RAF1: variants seen among roughly 807,000 people sequenced by gnomAD.
The protein encoded by RAF1 is RAF proto-oncogene serine/threonine-protein kinase.
A neutral mutation model predicts 81.1 loss-of-function variants in RAF1; 27 were observed. The observed-to-expected ratio is 0.33, with a 90% CI of 0.25 to 0.46. The LOEUF (loss-of-function observed/expected upper bound fraction) is 0.46. RAF1 is among the 20% of genes least tolerant of loss of function. RAF1 has a pLI of 1.00. For synonymous variants in RAF1, 298 were observed against 294.0 expected (o/e 1.01, Z -0.14); for missense variants, 598 against 826.0 (o/e 0.72, Z 3.38).
At chr3:12,640,005 T>A (rs549846940) in intron 1 of RAF1, among the ~76,000 whole-genome samples, 1 of 152,182 alleles carries the variant, frequency 6.6e-6, no homozygotes, top group South Asian at 2.1e-4. Flanking sequence ...AGCATGGTAC[T>A]GGTACCAAAA....
intron 1 of RAF1, among the ~76,000 whole-genome samples, chr3:12,638,970 G>T (rs997268196): frequency 2.0e-5 from 3 of 151,954 alleles, no homozygotes; most frequent in Non-Finnish European, 4.4e-5. Flanking sequence ...ATTTGCATAT[G>T]TTGAACCAGC....
At chr3:12,604,019 G>C (rs2125395965) in intron 7 of RAF1, 117 bp downstream of exon 7, 2 of 1,159,256 alleles carry the variant, frequency 1.7e-6, no homozygotes, top group Non-Finnish European at 2.6e-6. Flanking sequence ...AAAGTCCAGA[G>C]ACCTGAGAAA....
chr3:12,585,541 A>C, intron 15 of RAF1, 140 bp downstream of exon 14: 2 of 1,378,006 alleles, frequency 1.5e-6, no homozygotes, highest in Non-Finnish European at 2.0e-6. Context: ...AAAATCTACA[A>C]TTGCCCTGAG....
intron 2 of RAF1, among the ~76,000 whole-genome samples, chr3:12,617,900 AAAAG>A (rs2059427688): frequency 6.6e-6 from 1 of 151,350 alleles, no homozygotes; most frequent in African/African-American, 2.4e-5. Context: ...AAAGAAAAGA[AAAAG>A]AAAAAGAAAT....
At chr3:12,626,902 T>C (rs1187872385) in intron 1 of RAF1, among the ~76,000 whole-genome samples, 1 of 151,076 alleles carries the variant, frequency 6.6e-6, no homozygotes. Context: ...TGCACGCCTG[T>C]AGTCCCAGCT....
At chr3:12,644,400 C>T (rs187697459) in intron 1 of RAF1, among the ~76,000 whole-genome samples, 1 of 152,284 alleles carries the variant, frequency 6.6e-6, no homozygotes, top group Admixed American at 6.5e-5. Flanking sequence ...CCGCCAACTA[C>T]TCTCCCAAAA....
In RAF1 at chr3:12,626,762, G is replaced by A. The variant is rs539316533; in HGVS notation, c.-26-8015C>T. ...AACTTCGCCAGGCGGGGTGGCTCAC[G>A]CCTGTAATCCCAGCACTTTGGGAGG... On this transcript the variant is annotated intron_variant, in intron 1 of 17. Transcript: ENST00000442415. 1.1e-4 allele frequency among the ~76,000 whole-genome samples: 17 copies of A among 151,906 alleles called. No homozygotes were observed. The East Asian group carries it at 1.2e-3, about 10-fold the overall frequency.
rs144773831 is a variant in RAF1, at chr3:12,631,548, G to A, written c.-26-12801C>T. 2.8e-3 allele frequency among the ~76,000 whole-genome samples: 431 copies of A among 152,316 alleles called. 2 individuals carry two copies. Among genetic ancestry groups the A allele is most frequent in the African/African-American group, 9.8e-3 (408 of 41,572 alleles). Reference sequence around the variant, plus strand: ...CGGGAGGCGGAGCTTGCAGTGAGCCGAGATCGCGCCACTGCACTCCAGCCT... The same window carrying A: ...CGGGAGGCGGAGCTTGCAGTGAGCCAAGATCGCGCCACTGCACTCCAGCCT... On this transcript the variant is annotated intron_variant, in intron 1 of 17. Transcript: ENST00000442415.
At chr3:12,633,805 C>A (rs1176524828) in intron 1 of RAF1, among the ~76,000 whole-genome samples, 1 of 151,294 alleles carries the variant, frequency 6.6e-6, no homozygotes. Context: ...TGTGGTGGTG[C>A]GCACCTGTAA....
At chr3:12,648,664 T>G (rs1168870251) in intron 1 of RAF1, among the ~76,000 whole-genome samples, 2 of 151,938 alleles carry the variant, frequency 1.3e-5, no homozygotes, top group Non-Finnish European at 2.9e-5. Flanking sequence ...GAGAATCATG[T>G]GAACCCAGGA....
At chr3:12,654,318 G>T (rs2060620538) in intron 1 of RAF1, among the ~76,000 whole-genome samples, 1 of 151,796 alleles carries the variant, frequency 6.6e-6, no homozygotes, top group Non-Finnish European at 1.5e-5. Flanking sequence ...AAAAGTATGA[G>T]AGGCCAGGCA....
intron 1 of RAF1, among the ~76,000 whole-genome samples, chr3:12,644,296 G>C (rs771076832): frequency 3.9e-5 from 6 of 152,082 alleles, no homozygotes; most frequent in Non-Finnish European, 7.4e-5. Flanking sequence ...TAAATCTGAG[G>C]CATAAATGTT....
chr3:12,599,721 A>C lies in RAF1; in HGVS notation c.1138T>G (p.Phe380Val), dbSNP rs1205523835. ...CATTTACCCTTATAAACAGTTCCAA[A>C]AGAGCCTGACCCAATCCGAGTGGAC... The change falls in exon 11 of 18, where the codon TTT (phenylalanine) becomes GTT (valine). Residue 380 changes from phenylalanine (F) to valine (V), a missense_variant. Around this residue, in one of 5 missense-constraint regions of RAF1, gnomAD observed 85 missense variants for 185.6 expected, o/e 0.46. Transcript: ENST00000442415. 1 of 1,614,094 alleles carries C rather than the reference A, an allele frequency of 6.2e-7. No homozygotes were observed. Among genetic ancestry groups the C allele is most frequent in the Admixed American group, 1.7e-5 (1 of 60,024 alleles).
intron 1 of RAF1, among the ~76,000 whole-genome samples, chr3:12,658,617 A>G (rs1394194873): frequency 6.6e-6 from 1 of 152,180 alleles, no homozygotes; most frequent in Non-Finnish European, 1.5e-5. Context: ...AAAACAAAAA[A>G]AGAAACAAAC....
At chr3:12,608,281 A>C (rs971023899) in intron 5 of RAF1, among the ~76,000 whole-genome samples, 1 of 152,228 alleles carries the variant, frequency 6.6e-6, no homozygotes, top group Non-Finnish European at 1.5e-5. Context: ...AGAATCTTTC[A>C]AGATTTTATA....
At position 12,628,213 on chromosome 3, in the gene RAF1, C is replaced by G. The variant is rs188193810; in HGVS notation, c.-26-9466G>C. Among the ~76,000 whole-genome samples the G allele has an allele frequency of 4.6e-5, 7 of 152,366 alleles. No individual in the cohort carries two copies. The East Asian group carries it at 1.4e-3, about 29-fold the overall frequency. On this transcript the variant is annotated intron_variant, in intron 1 of 17. Coordinates refer to ENST00000442415, the MANE Select transcript of RAF1 (RefSeq NM_001354689.3). ...CGGTAGTTCATGCCTGTAATCCCTG[C>G]ACTTCGGGAGACCGAGGTACGAAGA...
chr3:12,599,839 CATGCA>C (rs773443769), intron 10 of RAF1, 31 bp from the exon 10 acceptor site: 1 of 1,490,296 alleles, frequency 6.7e-7, no homozygotes, highest in African/African-American at 1.4e-5. Flanking sequence ...TATTATACTC[CATGCA>C]ATGGTAATAA....
intron 1 of RAF1, among the ~76,000 whole-genome samples, chr3:12,663,198 A>C (rs751019669): frequency 4.8e-4 from 73 of 152,322 alleles, no homozygotes; most frequent in Non-Finnish European, 7.8e-4. Flanking sequence ...GCGTCACACA[A>C]AAGACAGCCC....
intron 11 of RAF1, among the ~76,000 whole-genome samples, chr3:12,597,702 CTCA>C (rs912175293): frequency 6.6e-6 from 1 of 151,990 alleles, no homozygotes; most frequent in Admixed American, 6.6e-5. Context: ...ATCGCTTGAG[CTCA>C]TGATTTCGAG....
Sources: gnomAD v4.1 joint callset for allele counts (sites outside exome capture counted in the v4.1 genomes callset) on GRCh38, gnomAD v4.1.1 for gene constraint, gnomAD v4.1.1 regional missense constraint, MANE v1.5 for transcripts, NCBI Gene and HGNC (gene_info 2026-07-23, HGNC 2026-07-21) for gene names.